MYO1D: variants seen among roughly 807,000 people sequenced by gnomAD.
MYO1D encodes unconventional myosin-Id.
A neutral mutation model predicts 122.0 loss-of-function variants in MYO1D; 83 were observed. The ratio of observed to expected loss-of-function variants is 0.68; its 90% CI spans 0.57 to 0.82. The LOEUF is 0.82. MYO1D is among the 40% of genes least tolerant of loss of function. The probability of loss-of-function intolerance (pLI) is 0.00; values close to 1 mark genes in which losing one functional copy is unlikely to be tolerated. For missense variants in MYO1D, 1,157 were observed against 1,269.5 expected (o/e 0.91, Z 1.35); for synonymous variants, 464 against 446.9 (o/e 1.04, Z -0.48).
chr17:32,837,643 C>A (rs2090840545), intron 1 of MYO1D, among the ~76,000 whole-genome samples: 1 of 152,170 alleles, frequency 6.6e-6, no homozygotes, highest in Non-Finnish European at 1.5e-5. Flanking sequence ...TGTACACAAC[C>A]ATTTGGTATT....
rs554948071 is a variant in MYO1D at position 32,710,817 on chromosome 17, T to G, written c.2121+1171A>C. 2.6e-5 allele frequency among the ~76,000 whole-genome samples: 4 copies of G among 152,304 alleles called. No individual in the cohort carries two copies. The East Asian group carries it at 7.7e-4, about 29-fold the overall frequency. On this transcript the variant is annotated intron_variant, in intron 16 of 21. Transcript: ENST00000318217. Reference sequence around the variant, plus strand: ...ATACAGCAAGCAAAGAAGCATTTAATGAGATAATCAAACTCAAAGGTAATC... The same window carrying G: ...ATACAGCAAGCAAAGAAGCATTTAAGGAGATAATCAAACTCAAAGGTAATC...
chr17:32,735,147 CATCT>C (rs1314996951), intron 14 of MYO1D, among the ~76,000 whole-genome samples: 2 of 151,106 alleles, frequency 1.3e-5, no homozygotes, highest in Non-Finnish European at 2.9e-5. Context: ...TTTCCTTTGT[CATCT>C]ATTATGTGGT....
At chr17:32,746,555 A>C (rs769834802) in intron 12 of MYO1D, among the ~76,000 whole-genome samples, 2 of 152,176 alleles carry the variant, frequency 1.3e-5, no homozygotes, top group Non-Finnish European at 1.5e-5. Context: ...CATGTATATA[A>C]ATGTTTATGT....
At chr17:32,641,109 C>T (rs1277834151) in intron 19 of MYO1D, among the ~76,000 whole-genome samples, 4 of 130,522 alleles carry the variant, frequency 3.1e-5, no homozygotes, top group Non-Finnish European at 6.5e-5. Context: ...CAACAGGCCC[C>T]GGTGTGTGAT....
intron 21 of MYO1D, among the ~76,000 whole-genome samples, chr17:32,588,819 T>A (rs2150904550): frequency 6.6e-6 from 1 of 152,150 alleles, no homozygotes; most frequent in Non-Finnish European, 1.5e-5. Context: ...GGTGGACACC[T>A]GCAGTCCCAG....
At chr17:32,608,265 T>C (rs1057406431) in intron 20 of MYO1D, among the ~76,000 whole-genome samples, 1 of 152,290 alleles carries the variant, frequency 6.6e-6, no homozygotes, top group East Asian at 1.9e-4. Flanking sequence ...TTAGAATCTA[T>C]AAAGAGCTCT....
rs1476407202 is a variant in MYO1D at position 32,745,218 on chromosome 17, A to G, written c.1606T>C (p.Tyr536His). The G allele has an allele frequency of 6.7e-7, 1 of 1,501,482 alleles. No individual in the cohort carries two copies. Among genetic ancestry groups the G allele is most frequent in the Admixed American group, 1.7e-5 (1 of 57,256 alleles). 93.0% of individuals were successfully genotyped at this position (1,501,482 alleles called of 1,614,324 possible). ...ATAAAATTTCAATCTTACCTGTTAT[A>G]CATAAGGCGCTTGAAATCTTGAAAT... ...TLFQDFKRLM[Y>H]NSSNPVLKNM... The change falls in exon 13 of 22, where the codon TAT (tyrosine) becomes CAT (histidine). Residue 536 changes from tyrosine to histidine, a missense_variant. Tyr to His is a moderately conservative substitution (Grantham distance 83). Transcript: ENST00000318217.
chr17:32,849,073 A>G (rs2090962367), intron 1 of MYO1D, among the ~76,000 whole-genome samples: 1 of 152,212 alleles, frequency 6.6e-6, no homozygotes, highest in Non-Finnish European at 1.5e-5. Context: ...AATGCTCATC[A>G]TCACTGGCCA....
intron 21 of MYO1D, among the ~76,000 whole-genome samples, chr17:32,501,047 G>C (rs1206830809): frequency 6.6e-6 from 1 of 151,780 alleles, no homozygotes; most frequent in Admixed American, 6.6e-5. Flanking sequence ...GAGGTTGGCG[G>C]CTCCTCAGAA....
chr17:32,647,365 A>G lies in MYO1D; in HGVS notation c.2595+6478T>C, dbSNP rs142946567. 2.5e-3 allele frequency among the ~76,000 whole-genome samples: 379 copies of G among 152,356 alleles called. 1 individual carries two copies. The highest frequency in any genetic ancestry group is 3.6e-3 in the Non-Finnish European group (245 of 68,036). On this transcript the variant is annotated intron_variant, in intron 19 of 21. Transcript: ENST00000318217. ...AAAGTCGTATTTAAGCTATAGGGTGAACAAAGAGTATTTTGCTTTGAACTT... is the reference window on the plus strand; with the variant it reads ...AAAGTCGTATTTAAGCTATAGGGTGGACAAAGAGTATTTTGCTTTGAACTT...
intron 21 of MYO1D, among the ~76,000 whole-genome samples, chr17:32,524,825 T>C (rs536327642): frequency 6.6e-6 from 1 of 152,290 alleles, no homozygotes; most frequent in East Asian, 1.9e-4. Context: ...CCTCCCAAAG[T>C]GCTGGGATTA....
At chr17:32,528,253 T>C (rs1910405409) in intron 21 of MYO1D, among the ~76,000 whole-genome samples, 1 of 152,198 alleles carries the variant, frequency 6.6e-6, no homozygotes, top group Admixed American at 6.5e-5. Flanking sequence ...AGTACCTTGA[T>C]CAGAGGCGAT....
intron 1 of MYO1D, among the ~76,000 whole-genome samples, chr17:32,862,383 T>G (rs921532980): frequency 2.6e-5 from 4 of 152,226 alleles, no homozygotes; most frequent in African/African-American, 7.2e-5. Flanking sequence ...AAAGACAACG[T>G]GGCTGCCACC....
chr17:32,795,724 G>T (rs923553502), intron 1 of MYO1D, among the ~76,000 whole-genome samples: 3 of 152,166 alleles, frequency 2.0e-5, no homozygotes, highest in South Asian at 2.1e-4. Flanking sequence ...AGCAACTTGC[G>T]CCAGCAAGAC....
intron 16 of MYO1D, among the ~76,000 whole-genome samples, chr17:32,688,133 CA>C (rs1305491282): frequency 6.6e-6 from 1 of 152,202 alleles, no homozygotes; most frequent in Non-Finnish European, 1.5e-5. Flanking sequence ...TTCATATGCG[CA>C]ACACCTTTCT....
At chr17:32,763,366 G>A (rs2090022201) in intron 8 of MYO1D, among the ~76,000 whole-genome samples, 1 of 152,098 alleles carries the variant, frequency 6.6e-6, no homozygotes, top group African/African-American at 2.4e-5. Flanking sequence ...AACAACGAAA[G>A]TTAGACGTGA....
intron 20 of MYO1D, among the ~76,000 whole-genome samples, chr17:32,616,805 T>C (rs954306162): frequency 2.0e-5 from 3 of 152,154 alleles, no homozygotes; most frequent in South Asian, 2.1e-4. Flanking sequence ...TGCAACAGAA[T>C]TGGGGCTGTG....
chr17:32,537,711 G>C (rs1214728808), intron 21 of MYO1D, among the ~76,000 whole-genome samples: 1 of 152,168 alleles, frequency 6.6e-6, no homozygotes, highest in Non-Finnish European at 1.5e-5. Context: ...GAATCCATAA[G>C]AAGGAAATGT....
At chr17:32,715,863 C>T (rs1204442605) in intron 15 of MYO1D, among the ~76,000 whole-genome samples, 2 of 152,060 alleles carry the variant, frequency 1.3e-5, no homozygotes, top group African/African-American at 2.4e-5. Flanking sequence ...TTATTCTTTC[C>T]CTGCCCTATC....
Sources: allele counts gnomAD v4.1 joint callset (sites outside exome capture counted in the v4.1 genomes callset), GRCh38; gene constraint gnomAD v4.1.1; transcripts MANE v1.5; gene names NCBI Gene and HGNC (gene_info 2026-07-23, HGNC 2026-07-21).